The following GPM6A variants were observed in gnomAD, a reference collection of about 807,000 sequenced individuals.
The protein encoded by GPM6A is neuronal membrane glycoprotein M6-a.
Under a neutral mutation model 32.1 loss-of-function variants are expected in GPM6A, and 7 were observed. The ratio of observed to expected loss-of-function variants is 0.22; its 90% CI spans 0.12 to 0.41. The LOEUF is 0.41. Among genes scored for constraint, GPM6A ranks in the 10% least tolerant of loss-of-function variants. The pLI, the probability that GPM6A is intolerant of heterozygous loss-of-function variation, is 1.00. For synonymous variants in GPM6A, 130 were observed against 123.4 expected (o/e 1.05, Z -0.35); for missense variants, 235 against 347.2 (o/e 0.68, Z 2.57).
chr4:175,977,451 T>A (rs77522460), intron 1 of GPM6A, among the ~76,000 whole-genome samples: 2,270 of 152,300 alleles, frequency 0.015, 49 homozygotes, highest in African/African-American at 0.052. Flanking sequence ...TCTTGAAATA[T>A]GGGTTTTAAT....
chr4:175,697,420 C>T (rs1744642117), intron 2 of GPM6A, among the ~76,000 whole-genome samples: 1 of 152,098 alleles, frequency 6.6e-6, no homozygotes, highest in African/African-American at 2.4e-5. Context: ...AAAAAAATGT[C>T]CTCCTCATCA....
Position 175,964,800 on chromosome 4 carries a change from A to G in GPM6A, c.-23+37509T>C, listed in dbSNP as rs139726593. 4.8e-3 allele frequency among the ~76,000 whole-genome samples: 724 copies of G among 152,342 alleles called. 4 individuals are homozygous for G. The highest frequency in any genetic ancestry group is 0.016 in the African/African-American group (686 of 41,582). ...TAGCTATATTAGTTTCAGACAGTACAGACATCAGAGCAAGGAAGGTTATCA... is the reference window on the plus strand; with the variant it reads ...TAGCTATATTAGTTTCAGACAGTACGGACATCAGAGCAAGGAAGGTTATCA... On this transcript the variant is annotated intron_variant, in intron 1 of 7. Coordinates refer to the GPM6A transcript ENST00000280187.
intron 2 of GPM6A, among the ~76,000 whole-genome samples, chr4:175,676,804 G>GT (rs146760353): frequency 0.05 from 7,554 of 152,234 alleles, 210 homozygotes; most frequent in Non-Finnish European, 0.063. Flanking sequence ...ATTAATGTAT[G>GT]TTAATGAGTA....
chr4:175,928,422 C>A (rs543272725), intron 1 of GPM6A, among the ~76,000 whole-genome samples: 1 of 152,186 alleles, frequency 6.6e-6, no homozygotes, highest in South Asian at 2.1e-4. Flanking sequence ...CTTGTCCACA[C>A]GTGGTGCCTT....
At chr4:175,735,471 T>C (rs1260433018) in intron 1 of GPM6A, among the ~76,000 whole-genome samples, 1 of 152,168 alleles carries the variant, frequency 6.6e-6, no homozygotes, top group East Asian at 1.9e-4. Context: ...GATATCACTG[T>C]AAAATTTTTT....
intron 2 of GPM6A, among the ~76,000 whole-genome samples, chr4:175,677,418 T>A (rs1743433184): frequency 6.6e-6 from 1 of 152,094 alleles, no homozygotes; most frequent in African/African-American, 2.4e-5. Context: ...TTTGTTGGCA[T>A]AAGACAAAAA....
At chr4:175,769,650 T>C (rs1733111135) in intron 1 of GPM6A, among the ~76,000 whole-genome samples, 1 of 152,194 alleles carries the variant, frequency 6.6e-6, no homozygotes, top group East Asian at 1.9e-4. Flanking sequence ...GGAGCCAGAA[T>C]GATACTCAAG....
intron 1 of GPM6A, among the ~76,000 whole-genome samples, chr4:175,782,472 C>T (rs1364961326): frequency 2.0e-5 from 3 of 152,098 alleles, no homozygotes; most frequent in Non-Finnish European, 4.4e-5. Context: ...TATGTCATGT[C>T]TTCCTCCCCT....
chr4:175,874,391 C>A (rs1002523850), intron 1 of GPM6A, among the ~76,000 whole-genome samples: 1 of 152,024 alleles, frequency 6.6e-6, no homozygotes, highest in African/African-American at 2.4e-5. Context: ...CTACAGCCAA[C>A]GGGGTTCTGG....
At chr4:175,912,330 TACC>T (rs1307633432) in intron 1 of GPM6A, among the ~76,000 whole-genome samples, 1 of 152,130 alleles carries the variant, frequency 6.6e-6, no homozygotes, top group Non-Finnish European at 1.5e-5. Flanking sequence ...TTGATTTATA[TACC>T]ACTTCTGAGT....
At chr4:175,674,650 C>T (rs576583247) in intron 2 of GPM6A, among the ~76,000 whole-genome samples, 5 of 152,142 alleles carry the variant, frequency 3.3e-5, no homozygotes, top group South Asian at 2.1e-4. Context: ...CATATTTTTA[C>T]GTTACAGATA....
chr4:175,909,934 A>G (rs909362453), intron 1 of GPM6A, among the ~76,000 whole-genome samples: 1 of 152,184 alleles, frequency 6.6e-6, no homozygotes, highest in African/African-American at 2.4e-5. Flanking sequence ...GAGCTCATGG[A>G]GTATAATAAA....
intron 1 of GPM6A, among the ~76,000 whole-genome samples, chr4:175,966,454 A>G (rs961859650): frequency 1.3e-5 from 2 of 149,874 alleles, no homozygotes; most frequent in Non-Finnish European, 3.0e-5. Context: ...TATTATATAT[A>G]TATATTCAGA....
At chr4:175,780,046 CTT>C (rs112638875) in intron 1 of GPM6A, among the ~76,000 whole-genome samples, 3,000 of 143,924 alleles carry the variant, frequency 0.021, 52 homozygotes, top group Non-Finnish European at 0.032. Flanking sequence ...CATGTGTTAA[CTT>C]TTTTTTTTTT....
At chr4:175,747,349 A>ATTACATC in intron 1 of GPM6A, among the ~76,000 whole-genome samples, 2 of 152,020 alleles carry the variant, frequency 1.3e-5, no homozygotes, top group Middle Eastern at 3.4e-3. Flanking sequence ...TGAATTAAAT[A>ATTACATC]TTACATCATT....
Position 175,918,556 on chromosome 4 carries a change from G to C in GPM6A, c.-23+83753C>G, listed in dbSNP as rs80296561. Among the ~76,000 whole-genome samples the C allele has an allele frequency of 8.7e-3, 1,329 of 152,018 alleles. 18 individuals are homozygous for C. Among genetic ancestry groups the C allele is most frequent in the African/African-American group, 0.03 (1,237 of 41,432 alleles). On this transcript the variant is annotated intron_variant, in intron 1 of 7. Transcript: ENST00000280187. ...ATTCTGGAAAATATCTTAAATTATT[G>C]TTTCCCATTTTCCTGTGGAAGACAG...
At chr4:175,984,604 A>C (rs1156637517) in intron 1 of GPM6A, among the ~76,000 whole-genome samples, 1 of 152,164 alleles carries the variant, frequency 6.6e-6, no homozygotes, top group Non-Finnish European at 1.5e-5. Context: ...GAAGTGCTTT[A>C]CATTTTGATA....
intron 1 of GPM6A, among the ~76,000 whole-genome samples, chr4:175,917,635 T>C (rs911576988): frequency 6.6e-6 from 1 of 152,162 alleles, no homozygotes; most frequent in Non-Finnish European, 1.5e-5. Flanking sequence ...TCCTCCTTGA[T>C]ACAACATTCA....
chr4:175,852,555 T>C (rs1330734295), intron 1 of GPM6A, among the ~76,000 whole-genome samples: 1 of 152,220 alleles, frequency 6.6e-6, no homozygotes, highest in African/African-American at 2.4e-5. Context: ...TGATCTGCAT[T>C]CCAAGCCTTT....
Sources: allele counts gnomAD v4.1 joint callset (sites outside exome capture counted in the v4.1 genomes callset), GRCh38; gene constraint gnomAD v4.1.1; transcripts MANE v1.5; gene names NCBI Gene and HGNC (gene_info 2026-07-23, HGNC 2026-07-21).